The following SUPT3H variants were observed in gnomAD, a reference collection of about 807,000 sequenced individuals.
SUPT3H encodes the protein SPT3 homolog, SAGA and STAGA complex component.
A neutral mutation model predicts 44.3 loss-of-function variants in SUPT3H; 44 were observed. The observed-to-expected ratio is 0.99, with a 90% CI of 0.78 to 1.28. SUPT3H has a LOEUF of 1.28. SUPT3H is among the 50% of genes most tolerant of loss of function. The pLI is 0.00. For missense variants in SUPT3H, 380 were observed against 387.1 expected (o/e 0.98, Z 0.15); for synonymous variants, 124 against 125.6 (o/e 0.99, Z 0.09).
chr6:44,859,455 T>A (rs934808584), intron 10 of SUPT3H, among the ~76,000 whole-genome samples: 1 of 152,170 alleles, frequency 6.6e-6, no homozygotes, highest in Admixed American at 6.5e-5. Context: ...CAAGTTTTCT[T>A]TTTCTCTCCT....
intron 10 of SUPT3H, among the ~76,000 whole-genome samples, chr6:44,867,797 A>C (rs1775733425): frequency 6.6e-6 from 1 of 152,196 alleles, no homozygotes; most frequent in Non-Finnish European, 1.5e-5. Flanking sequence ...CCCAGTGGGC[A>C]GGCGTACCAC....
At chr6:44,847,232 G>A (rs1416042194) in intron 10 of SUPT3H, among the ~76,000 whole-genome samples, 1 of 152,056 alleles carries the variant, frequency 6.6e-6, no homozygotes, top group East Asian at 1.9e-4. Context: ...CAGTTATTTT[G>A]TTAGGCATAG....
In SUPT3H at chr6:45,267,986, A is replaced by C. The variant is rs184940440; in HGVS notation, c.101+97215T>G. On this transcript the variant is annotated intron_variant, in intron 2 of 10. Coordinates refer to ENST00000371459, the MANE Select transcript of SUPT3H (RefSeq NM_003599.4). ...TTTGCTATGCAACAATAGTAAAAAG[A>C]GTTATAGGTACATTATTCTCATTGA... Among the ~76,000 whole-genome samples, 14 of 152,300 alleles carry C rather than the reference A, an allele frequency of 9.2e-5. No individual in the cohort carries two copies. In the East Asian group the frequency reaches 2.7e-3, roughly 29 times the overall value.
intron 2 of SUPT3H, among the ~76,000 whole-genome samples, chr6:45,299,121 G>C (rs2149911518): frequency 6.6e-6 from 1 of 152,128 alleles, no homozygotes; most frequent in East Asian, 1.9e-4. Flanking sequence ...CAAGGCAGGT[G>C]GATCATTTGA....
At chr6:45,219,783 G>A (rs1421682390) in intron 2 of SUPT3H, among the ~76,000 whole-genome samples, 1 of 152,072 alleles carries the variant, frequency 6.6e-6, no homozygotes, top group Non-Finnish European at 1.5e-5. Context: ...GCTCACGCCT[G>A]TAATCCCAGC....
rs562743954 is a variant in SUPT3H, at chr6:45,047,607, A to G, written c.187-26975T>C. Among the ~76,000 whole-genome samples, 15 of 152,294 alleles carry G rather than the reference A, an allele frequency of 9.8e-5. No homozygotes were observed. In the South Asian group the frequency reaches 2.9e-3, roughly 29 times the overall value. ...AAAAAGGAGTTTTCAGATGGGAGAA[A>G]TAACAGCATGTCTTTATTCTGATAA... On this transcript the variant is annotated intron_variant, in intron 3 of 10. Transcript: ENST00000371459.
At chr6:45,050,247 C>T (rs1026438501) in intron 3 of SUPT3H, among the ~76,000 whole-genome samples, 4 of 151,336 alleles carry the variant, frequency 2.6e-5, no homozygotes, top group African/African-American at 9.7e-5. Context: ...TCAGTCCACA[C>T]ACATGGTTTA....
chr6:45,224,324 T>C (rs1158056348), intron 2 of SUPT3H, among the ~76,000 whole-genome samples: 6 of 152,162 alleles, frequency 3.9e-5, no homozygotes, highest in African/African-American at 1.2e-4. Flanking sequence ...CAGTACTTCA[T>C]GGTTTGAGCA....
intron 2 of SUPT3H, among the ~76,000 whole-genome samples, chr6:45,206,577 T>C (rs961995810): frequency 2.6e-5 from 4 of 152,120 alleles, no homozygotes; most frequent in Non-Finnish European, 5.9e-5. Flanking sequence ...ATTTAAAATT[T>C]CACTCAATAT....
At chr6:45,168,970 G>A (rs1156647516) in intron 2 of SUPT3H, among the ~76,000 whole-genome samples, 1 of 152,184 alleles carries the variant, frequency 6.6e-6, no homozygotes, top group African/African-American at 2.4e-5. Flanking sequence ...AACTGGACTC[G>A]TTAATTCCAG....
chr6:45,230,688 T>TATATATATATATATA lies in SUPT3H; in HGVS notation c.102-124683_102-124682insTATATATATATATAT, dbSNP rs1562747134. On this transcript the variant is annotated intron_variant, in intron 2 of 10. Coordinates refer to ENST00000371459, the MANE Select transcript of SUPT3H (RefSeq NM_003599.4). Reference sequence around the variant, plus strand: ...TATATATATATATATATATATATATTTTTGAGATGGAGTCTTGCTCTATCA... The same window carrying TATATATATATATATA: ...TATATATATATATATATATATATATTATATATATATATATATTTGAGATGGAGTCTTGCTCTATCA... 1.8e-4 allele frequency among the ~76,000 whole-genome samples: 7 copies of TATATATATATATATA among 39,828 alleles called. 1 individual carries two copies. The highest frequency in any genetic ancestry group is 2.0e-3 in the East Asian group (2 of 990). 26.1% of individuals were successfully genotyped at this position (39,828 alleles called of 152,430 possible).
At chr6:45,314,720 C>CAA (rs1015053860) in intron 2 of SUPT3H, among the ~76,000 whole-genome samples, 28 of 152,202 alleles carry the variant, frequency 1.8e-4, no homozygotes, top group African/African-American at 6.5e-4. Flanking sequence ...CTGCCAAAAG[C>CAA]AATCTATAAA....
intron 2 of SUPT3H, among the ~76,000 whole-genome samples, chr6:45,254,842 T>C (rs946196059): frequency 6.6e-6 from 1 of 152,150 alleles, no homozygotes; most frequent in African/African-American, 2.4e-5. Context: ...AAGTTTTCAA[T>C]TGTGTGCCAT....
At chr6:45,237,280 T>A (rs6458432) in intron 2 of SUPT3H, among the ~76,000 whole-genome samples, 2 of 152,116 alleles carry the variant, frequency 1.3e-5, no homozygotes, top group Non-Finnish European at 2.9e-5. Context: ...GTTCACGTAG[T>A]CAATTCAACC....
intron 2 of SUPT3H, among the ~76,000 whole-genome samples, chr6:45,137,883 A>G (rs779694094): frequency 2.0e-5 from 3 of 152,068 alleles, no homozygotes; most frequent in Non-Finnish European, 4.4e-5. Flanking sequence ...AATTAAAATG[A>G]AAAACTTTTT....
chr6:45,334,217 G>T (rs1041129315), intron 2 of SUPT3H, among the ~76,000 whole-genome samples: 3 of 150,808 alleles, frequency 2.0e-5, no homozygotes, highest in African/African-American at 7.3e-5. Context: ...GTCAAATAAG[G>T]TAATTTTATT....
intron 2 of SUPT3H, among the ~76,000 whole-genome samples, chr6:45,154,687 T>C (rs920690120): frequency 6.6e-6 from 1 of 152,146 alleles, no homozygotes; most frequent in Non-Finnish European, 1.5e-5. Context: ...TCATATCCCC[T>C]AAAAATCATT....
At chr6:44,976,176 T>C (rs1778310634) in intron 6 of SUPT3H, among the ~76,000 whole-genome samples, 1 of 152,142 alleles carries the variant, frequency 6.6e-6, no homozygotes, top group Non-Finnish European at 1.5e-5. Context: ...AGAAAATTTT[T>C]TTCCTGAGAA....
At position 45,273,985 on chromosome 6, in the gene SUPT3H, G is replaced by T. The variant is rs143349279; in HGVS notation, c.101+91216C>A. 1.2e-4 allele frequency among the ~76,000 whole-genome samples: 19 copies of T among 152,204 alleles called. No individual in the cohort carries two copies. The East Asian group carries it at 3.7e-3, about 29-fold the overall frequency. On this transcript the variant is annotated intron_variant, in intron 2 of 10. Transcript: ENST00000371459. ...ACATCATCACATTTGTTATCTTTTT[G>T]ATCATAGCTATCCTAGTGGGTGTGA... is the stretch of plus-strand genomic sequence containing the variant.
Sources: gnomAD v4.1 joint callset for allele counts (sites outside exome capture counted in the v4.1 genomes callset) on GRCh38, gnomAD v4.1.1 for gene constraint, MANE v1.5 for transcripts, NCBI Gene and HGNC (gene_info 2026-07-23, HGNC 2026-07-21) for gene names.